The following LANCL3 variants were observed in gnomAD, a reference collection of about 807,000 sequenced individuals.
LANCL3 encodes lanC-like protein 3.
LANCL3 carries 19 observed loss-of-function variants against 26.5 expected under a neutral mutation model. The observed-to-expected ratio is 0.72, with a 90% CI of 0.50 to 1.05. The LOEUF (loss-of-function observed/expected upper bound fraction) is 1.05. Among genes scored for constraint, LANCL3 ranks in the 50% least tolerant of loss-of-function variants. The probability of loss-of-function intolerance (pLI) is 0.00; values close to 1 mark genes in which losing one functional copy is unlikely to be tolerated. For synonymous variants in LANCL3, 160 were observed against 166.6 expected (o/e 0.96, Z 0.30); for missense variants, 318 against 362.7 (o/e 0.88, Z 1.00).
rs147296664 is a variant in LANCL3, at chrX:37,594,381, G to C, written c.573+21938G>C. On this transcript the variant is annotated intron_variant, in intron 1 of 4. Coordinates refer to ENST00000378619, the MANE Select transcript of LANCL3 (RefSeq NM_001170331.2). The stretch of plus-strand genomic sequence containing the variant: ...ACATTCATTTTCAGAATAGAAAATA[G>C]AAAACATTGCAGAGAGGTTAAGTAG... Among the ~76,000 whole-genome samples, 917 of 112,148 alleles carry C rather than the reference G, an allele frequency of 8.2e-3. 5 individuals are homozygous for C. Among genetic ancestry groups the C allele is most frequent in the African/African-American group, 0.028 (869 of 30,928 alleles).
intron 1 of LANCL3, among the ~76,000 whole-genome samples, chrX:37,622,711 A>G (rs1348300777): frequency 5.4e-5 from 6 of 111,670 alleles, no homozygotes; most frequent in South Asian, 7.5e-4. Context: ...TATTTGATCA[A>G]TTTGCTGGTG....
chrX:37,645,513 G>A (rs1034460242), intron 1 of LANCL3, among the ~76,000 whole-genome samples: 22 of 112,269 alleles, frequency 2.0e-4, no homozygotes, highest in Admixed American at 3.8e-4. Flanking sequence ...ATGCAAATAT[G>A]GACATGTCTG....
rs1268073426 is a variant in LANCL3 at position 37,574,907 on chromosome X, G to A, written c.573+2464G>A. ...TGTATAGGTGTGTGTGTGTGTGTGT[G>A]TGTGTATGTATATATATATATATAT... is the stretch of plus-strand genomic sequence containing the variant. On this transcript the variant is annotated intron_variant, in intron 1 of 4. Transcript: ENST00000378619. Among the ~76,000 whole-genome samples, 852 of 108,197 alleles carry A rather than the reference G, an allele frequency of 7.9e-3. 18 individuals are homozygous for A. The highest frequency in any genetic ancestry group is 0.028 in the African/African-American group (816 of 29,471). 94.0% of individuals were successfully genotyped at this position (108,197 alleles called of 115,157 possible).
intron 1 of LANCL3, among the ~76,000 whole-genome samples, chrX:37,583,608 G>C (rs1923966349): frequency 9.0e-6 from 1 of 111,443 alleles, no homozygotes; most frequent in South Asian, 3.8e-4. Context: ...TCATGATTTG[G>C]CTCTCTGTTT....
chrX:37,608,125 T>C (rs1185423456), intron 1 of LANCL3, among the ~76,000 whole-genome samples: 1 of 112,183 alleles, frequency 8.9e-6, no homozygotes, highest in Non-Finnish European at 1.9e-5. Flanking sequence ...AAACAATTTG[T>C]TTCCCAGGTC....
At chrX:37,644,053 C>T (rs1435974266) in intron 1 of LANCL3, among the ~76,000 whole-genome samples, 1 of 111,921 alleles carries the variant, frequency 8.9e-6, no homozygotes, top group East Asian at 2.8e-4. Context: ...TCAGGTGTAT[C>T]TTACCCCCAA....
intron 1 of LANCL3, among the ~76,000 whole-genome samples, chrX:37,634,966 A>G (rs1925665661): frequency 9.0e-6 from 1 of 111,079 alleles, no homozygotes; most frequent in African/African-American, 3.3e-5. Flanking sequence ...TACAAAAATT[A>G]TAGGAATAAA....
At chrX:37,610,969 G>A (rs1924851010) in intron 1 of LANCL3, among the ~76,000 whole-genome samples, 1 of 111,969 alleles carries the variant, frequency 8.9e-6, no homozygotes, top group East Asian at 2.8e-4. Context: ...GTGAGATTGG[G>A]CAGGGAGGAA....
intron 1 of LANCL3, among the ~76,000 whole-genome samples, chrX:37,599,421 G>A (rs1028963101): frequency 6.3e-5 from 7 of 111,942 alleles, no homozygotes; most frequent in African/African-American, 1.9e-4. Flanking sequence ...TCTGGGGTAG[G>A]GTGGGATAAT....
At chrX:37,606,098 G>A (rs1225488754) in intron 1 of LANCL3, among the ~76,000 whole-genome samples, 2 of 111,441 alleles carry the variant, frequency 1.8e-5, no homozygotes, top group African/African-American at 6.5e-5. Context: ...GAAATACTGG[G>A]GAAACCAGCG....
intron 1 of LANCL3, among the ~76,000 whole-genome samples, chrX:37,650,595 AG>A (rs1225554900): frequency 3.7e-5 from 4 of 106,910 alleles, no homozygotes; most frequent in African/African-American, 1.4e-4. Flanking sequence ...GAAAATTGGT[AG>A]GAAGCCCTAA....
At chrX:37,634,279 C>T (rs782677744) in intron 1 of LANCL3, among the ~76,000 whole-genome samples, 15 of 112,725 alleles carry the variant, frequency 1.3e-4, no homozygotes, top group South Asian at 7.4e-4. Flanking sequence ...TTTTTAAGCC[C>T]GTTGGAAAAG....
At chrX:37,613,934 C>T in intron 1 of LANCL3, among the ~76,000 whole-genome samples, 1 of 111,981 alleles carries the variant, frequency 8.9e-6, no homozygotes, top group Non-Finnish European at 1.9e-5. Context: ...GAACTGTCCC[C>T]TTTCTTCCTG....
At chrX:37,649,098 T>G (rs1278801247) in intron 1 of LANCL3, among the ~76,000 whole-genome samples, 1 of 111,753 alleles carries the variant, frequency 8.9e-6, no homozygotes, top group Non-Finnish European at 1.9e-5. Context: ...GTAATCCCAT[T>G]ACTGGGTATA....
At chrX:37,634,492 G>A (rs1248219548) in intron 1 of LANCL3, among the ~76,000 whole-genome samples, 3 of 112,543 alleles carry the variant, frequency 2.7e-5, no homozygotes, top group Non-Finnish European at 3.8e-5. Context: ...AGATGAACCC[G>A]GTACCTCAGA....
chrX:37,630,025 A>G (rs1289192962), intron 1 of LANCL3, among the ~76,000 whole-genome samples: 54 of 111,729 alleles, frequency 4.8e-4, no homozygotes, highest in African/African-American at 1.6e-3. Context: ...CATTGAATCT[A>G]TAAATTACCT....
chrX:37,623,609 T>C (rs1925229836), intron 1 of LANCL3, among the ~76,000 whole-genome samples: 3 of 112,622 alleles, frequency 2.7e-5, no homozygotes, highest in African/African-American at 9.7e-5. Flanking sequence ...CTTTTAGTAC[T>C]GTTCAATTAT....
intron 1 of LANCL3, among the ~76,000 whole-genome samples, chrX:37,600,922 A>G (rs1206065276): frequency 8.9e-6 from 1 of 111,864 alleles, no homozygotes; most frequent in Non-Finnish European, 1.9e-5. Flanking sequence ...TAGCCCACTC[A>G]CCCAAAGTGG....
At position 37,632,045 on chromosome X, in the gene LANCL3, C is replaced by T. The variant is rs1295875015; in HGVS notation, c.574-23643C>T. Among the ~76,000 whole-genome samples, 8 of 110,981 alleles carry T rather than the reference C, an allele frequency of 7.2e-5. No homozygotes were observed. The Admixed American group carries it at 7.6e-4, about 11-fold the overall frequency. On this transcript the variant is annotated intron_variant, in intron 1 of 4. Transcript: ENST00000378619. Reference sequence around the variant, plus strand: ...GTCTCATTGATCTGTCTAATGTTGACAGTGGGGTGTTAAAGTCTCCCATTA... The same window carrying T: ...GTCTCATTGATCTGTCTAATGTTGATAGTGGGGTGTTAAAGTCTCCCATTA...
Sources: gnomAD v4.1 joint callset for allele counts (sites outside exome capture counted in the v4.1 genomes callset) on GRCh38, gnomAD v4.1.1 for gene constraint, MANE v1.5 for transcripts, NCBI Gene and HGNC (gene_info 2026-07-23, HGNC 2026-07-21) for gene names.